TTYH3: variants seen among roughly 807,000 people sequenced by gnomAD.
TTYH3 encodes protein tweety homolog 3.
In TTYH3, 23 loss-of-function variants were observed where a neutral mutation model predicts 68.2. The ratio of observed to expected loss-of-function variants is 0.34; its 90% CI spans 0.24 to 0.48. The LOEUF is 0.48. Among genes scored for constraint, TTYH3 ranks in the 20% least tolerant of loss-of-function variants. TTYH3 has a pLI of 0.99. For missense variants in TTYH3, 768 were observed against 727.7 expected, an observed-to-expected ratio of 1.06 and a Z score of -0.64; for synonymous variants, 360 against 332.8, an observed-to-expected ratio of 1.08 and a Z score of -0.89.
intron 11 of TTYH3, among the ~76,000 whole-genome samples, chr7:2,657,434 ATGGTG>A: frequency 6.6e-6 from 1 of 150,378 alleles, no homozygotes; most frequent in East Asian, 2.0e-4. Context: ...GGTGATGGTG[ATGGTG>A]ATGTCATTGT....
chr7:2,638,269 G>A (rs1289840613), intron 1 of TTYH3, among the ~76,000 whole-genome samples: 1 of 152,140 alleles, frequency 6.6e-6, no homozygotes, highest in Non-Finnish European at 1.5e-5. Flanking sequence ...GGGATTTTCC[G>A]GGTGTCACGC....
Position 2,656,544 on chromosome 7 carries a change from C to T in TTYH3, c.1250+10C>T. 2 of 1,596,662 alleles carry T rather than the reference C, an allele frequency of 1.3e-6. No homozygotes were observed. The highest frequency in any genetic ancestry group is 1.7e-6 in the Non-Finnish European group (2 of 1,174,400). ...CCTGGCAGCAAAAGAGGTGAGGGGC[C>T]CTGGGGGGTCGCAGGAGCTTGCCCC... On this transcript the variant is annotated intron_variant, in intron 11 of 13. Coordinates refer to ENST00000258796, the MANE Select transcript of TTYH3 (RefSeq NM_025250.3).
In TTYH3 at chr7:2,632,288, G is replaced by T; in HGVS notation, c.123+10G>T. The T allele has an allele frequency of 6.4e-6, 10 of 1,564,522 alleles. No individual in the cohort carries two copies. The highest frequency in any genetic ancestry group is 1.4e-5 in the African/African-American group (1 of 73,714). On this transcript the variant is annotated intron_variant, in intron 1 of 13. Transcript: ENST00000258796. ...CACCGACTACCAGCAGGTGACATGG[G>T]CCTCTCGGGGTCGCGGGGTCAGGGA...
intron 1 of TTYH3, among the ~76,000 whole-genome samples, chr7:2,646,110 G>A (rs1199083800): frequency 2.0e-5 from 3 of 152,086 alleles, no homozygotes; most frequent in Admixed American, 2.0e-4. Flanking sequence ...CGCCACCCGG[G>A]TTCAAGTGAT....
At chr7:2,640,403 TGG>T (rs34780806) in intron 1 of TTYH3, among the ~76,000 whole-genome samples, 77 of 151,324 alleles carry the variant, frequency 5.1e-4, no homozygotes, top group Non-Finnish European at 7.8e-4. Context: ...TGTGTGTGTG[TGG>T]GGGGGGACGT....
Position 2,650,004 on chromosome 7 carries a change from C to G in TTYH3, c.871+16C>G. 2 of 1,613,634 alleles carry G rather than the reference C, an allele frequency of 1.2e-6. No individual in the cohort carries two copies. The highest frequency in any genetic ancestry group is 1.7e-6 in the Non-Finnish European group (2 of 1,179,772). The stretch of plus-strand genomic sequence containing the variant: ...CTGAGTGGGGGTGAGTCTGTGTCCA[C>G]GGCCGTGTCCCAGCGGGTTCCCCAG... On this transcript the variant is annotated intron_variant, in intron 7 of 13. Transcript: ENST00000258796.
At chr7:2,659,815 G>A (rs964351427) in intron 13 of TTYH3, 5 of 1,194,066 alleles carry the variant, frequency 4.2e-6, no homozygotes, top group Middle Eastern at 2.9e-4. Flanking sequence ...GCCCAGTCCC[G>A]CTCGGCTGCC....
chr7:2,649,433 C>T (rs1030466954), intron 5 of TTYH3, 134 bp from the exon 6 acceptor site: 1 of 862,036 alleles, frequency 1.2e-6, no homozygotes, highest in Non-Finnish European at 1.8e-6. Flanking sequence ...GAGGCCAGGC[C>T]ACAGGAAGAG....
chr7:2,633,589 C>T (rs148089243), intron 1 of TTYH3, among the ~76,000 whole-genome samples: 73 of 152,322 alleles, frequency 4.8e-4, no homozygotes, highest in African/African-American at 1.7e-3. Flanking sequence ...CCCTGGGGGA[C>T]CGTTCAGTGT....
intron 13 of TTYH3, among the ~76,000 whole-genome samples, chr7:2,659,682 G>A (rs934628859): frequency 2.0e-5 from 3 of 152,172 alleles, no homozygotes; most frequent in South Asian, 2.1e-4. Context: ...TTGGGAGGCC[G>A]AAGGCTGCCT....
intron 1 of TTYH3, among the ~76,000 whole-genome samples, chr7:2,637,494 C>T (rs1478170079): frequency 6.6e-6 from 1 of 152,176 alleles, no homozygotes; most frequent in Non-Finnish European, 1.5e-5. Flanking sequence ...GCAGCCCAGC[C>T]ACGTCCGTCC....
chr7:2,654,824 GCCCAGGCTGGAGT>G lies in TTYH3; in HGVS notation c.1021-1267_1021-1255del, dbSNP rs1054870345. Among the ~76,000 whole-genome samples the G allele has an allele frequency of 4.9e-4, 75 of 152,214 alleles. 1 individual carries two copies. The highest frequency in any genetic ancestry group is 7.5e-4 in the Non-Finnish European group (51 of 68,016). ...TTTTGAGACAGAGTCTCTCTCTGTT[GCCCAGGCTGGAGT>G]GCAGTGGCGCAATCTCGGCTCACCG... On this transcript the variant is annotated intron_variant, in intron 9 of 13. Coordinates refer to ENST00000258796, the MANE Select transcript of TTYH3 (RefSeq NM_025250.3).
At chr7:2,659,569 C>A (rs1786434167) in intron 13 of TTYH3, among the ~76,000 whole-genome samples, 2 of 152,366 alleles carry the variant, frequency 1.3e-5, no homozygotes, top group South Asian at 4.1e-4. Context: ...CCTTTGACTT[C>A]CCGCGTAAGA....
chr7:2,633,637 C>G (rs1785584154), intron 1 of TTYH3, among the ~76,000 whole-genome samples: 1 of 152,262 alleles, frequency 6.6e-6, no homozygotes. Flanking sequence ...GGAACTTATT[C>G]CATGCTGATG....
chr7:2,652,343 C>A, intron 8 of TTYH3, 101 bp downstream of exon 8: 1 of 1,028,096 alleles, frequency 9.7e-7, no homozygotes, highest in Non-Finnish European at 1.5e-6. Context: ...CCTCAGCCTG[C>A]AGGACTGGGG....
rs546727655 is a variant in TTYH3, at chr7:2,635,481, C to T, written c.123+3203C>T. ...TGCCCACTGACCTCAGCCTCTCTCT[C>T]GGGCTGTCTCCTCCAGCTCAGGGCA... On this transcript the variant is annotated intron_variant, in intron 1 of 13. Transcript: ENST00000258796. 5.3e-5 allele frequency among the ~76,000 whole-genome samples: 8 copies of T among 152,334 alleles called. No individual in the cohort carries two copies. The South Asian group carries it at 1.2e-3, about 24-fold the overall frequency.
chr7:2,650,732 AG>A (rs1786151866), intron 7 of TTYH3, among the ~76,000 whole-genome samples: 2 of 151,920 alleles, frequency 1.3e-5, no homozygotes, highest in South Asian at 4.2e-4. Context: ...CATTGGAGGG[AG>A]GGAGGCAGGG....
At position 2,650,843 on chromosome 7, in the gene TTYH3, G is replaced by A. The variant is rs1461561618; in HGVS notation, c.871+855G>A. On this transcript the variant is annotated intron_variant, in intron 7 of 13. Transcript: ENST00000258796. ...AGGATACCTCAAGCAGGAGACAGCA[G>A]GGGCTTGAATAAATGGAGCAAAAGG... Among the ~76,000 whole-genome samples the A allele has an allele frequency of 2.6e-5, 4 of 152,070 alleles. No individual in the cohort carries two copies. The East Asian group carries it at 7.8e-4, about 30-fold the overall frequency.
chr7:2,656,205 CAG>C, intron 10 of TTYH3, 21 bp downstream of exon 10: 1 of 1,559,874 alleles, frequency 6.4e-7, no homozygotes, highest in South Asian at 1.2e-5. Context: ...GGGCCTGGGA[CAG>C]GGCCATGGCA....
Sources: gnomAD v4.1 joint callset for allele counts (sites outside exome capture counted in the v4.1 genomes callset) on GRCh38, gnomAD v4.1.1 for gene constraint, MANE v1.5 for transcripts, NCBI Gene and HGNC (gene_info 2026-07-23, HGNC 2026-07-21) for gene names.